Variants in CATSPER3 observed in about 807,000 individuals in gnomAD.
The protein encoded by CATSPER3 is cation channel sperm-associated protein 3.
CATSPER3 carries 23 observed loss-of-function variants against 36.6 expected under a neutral mutation model. That is an observed-to-expected ratio of 0.63 (90% CI 0.45 to 0.89). CATSPER3 has a LOEUF of 0.89. Among genes scored for constraint, CATSPER3 ranks in the 40% least tolerant of loss-of-function variants. The probability of loss-of-function intolerance (pLI) is 0.00; values close to 1 mark genes in which losing one functional copy is unlikely to be tolerated. For synonymous variants in CATSPER3, 172 were observed against 184.1 expected, an observed-to-expected ratio of 0.93 and a Z score of 0.53; for missense variants, 474 against 503.9, an observed-to-expected ratio of 0.94 and a Z score of 0.57.
At chr5:134,987,562 G>C (rs1751826893) in intron 2 of CATSPER3, among the ~76,000 whole-genome samples, 1 of 152,160 alleles carries the variant, frequency 6.6e-6, no homozygotes, top group Admixed American at 6.5e-5. Context: ...AATTGTCATT[G>C]AGAGAGTAAC....
intron 3 of CATSPER3, among the ~76,000 whole-genome samples, chr5:135,004,475 G>A (rs1042571138): frequency 6.6e-5 from 10 of 152,236 alleles, no homozygotes; most frequent in African/African-American, 2.4e-4. Flanking sequence ...CAGCAGGGAT[G>A]AGAGGAAGGC....
At chr5:135,000,985 CT>C in intron 3 of CATSPER3, among the ~76,000 whole-genome samples, 1 of 152,132 alleles carries the variant, frequency 6.6e-6, no homozygotes, top group East Asian at 1.9e-4. Context: ...TGTGTTTGCT[CT>C]TGCTTCTCTA....
intron 2 of CATSPER3, among the ~76,000 whole-genome samples, chr5:134,991,592 A>G (rs1751879772): frequency 6.6e-6 from 1 of 152,210 alleles, no homozygotes; most frequent in Non-Finnish European, 1.5e-5. Context: ...CTTGGTATTC[A>G]CATGCAAAAG....
At chr5:135,008,739 C>T (rs748467108) in intron 4 of CATSPER3, 102 bp from the exon 5 acceptor site, 1 of 997,480 alleles carries the variant, frequency 1.0e-6, no homozygotes, top group Non-Finnish European at 1.6e-6. Flanking sequence ...GAAGCGGAGC[C>T]ACCCTTCTCC....
At chr5:135,006,647 T>C (rs1404050193) in intron 3 of CATSPER3, among the ~76,000 whole-genome samples, 1 of 151,796 alleles carries the variant, frequency 6.6e-6, no homozygotes, top group African/African-American at 2.4e-5. Flanking sequence ...CCATCCTGGC[T>C]AACACGTGAA....
At chr5:134,994,758 T>C (rs908143576) in intron 2 of CATSPER3, among the ~76,000 whole-genome samples, 2 of 151,808 alleles carry the variant, frequency 1.3e-5, no homozygotes, top group Non-Finnish European at 3.0e-5. Context: ...TCTCTCTCTC[T>C]GTTCTAGCCA....
intron 6 of CATSPER3, 74 bp from the exon 7 acceptor site, chr5:135,010,299 A>C: frequency 7.5e-7 from 1 of 1,335,588 alleles, no homozygotes; most frequent in Non-Finnish European, 1.1e-6. Flanking sequence ...CCCATCCTGG[A>C]GAGTCTCCAT....
chr5:135,007,357 A>T (rs1427688116), intron 3 of CATSPER3, among the ~76,000 whole-genome samples: 1 of 152,252 alleles, frequency 6.6e-6, no homozygotes, highest in East Asian at 1.9e-4. Context: ...CAGAGCAGGA[A>T]GAATGAATGA....
intron 5 of CATSPER3, 98 bp downstream of exon 5, chr5:135,009,079 T>A (rs1310975221): frequency 6.6e-7 from 1 of 1,523,824 alleles, no homozygotes; most frequent in Non-Finnish European, 9.1e-7. Context: ...TGTAGCTGTG[T>A]CTTCCCAATG....
chr5:134,981,857 C>T (rs980830228), intron 2 of CATSPER3, among the ~76,000 whole-genome samples: 4 of 152,268 alleles, frequency 2.6e-5, no homozygotes, highest in South Asian at 2.1e-4. Flanking sequence ...AGGCCAGGTG[C>T]GGTGGCTTCT....
chr5:134,973,446 C>T (rs1751631722), intron 2 of CATSPER3, among the ~76,000 whole-genome samples: 1 of 152,150 alleles, frequency 6.6e-6, no homozygotes, highest in African/African-American at 2.4e-5. Flanking sequence ...AATTATGGGA[C>T]AGTTTATTTC....
At chr5:134,999,381 T>A (rs1258509364) in intron 3 of CATSPER3, among the ~76,000 whole-genome samples, 1 of 152,200 alleles carries the variant, frequency 6.6e-6, no homozygotes, top group African/African-American at 2.4e-5. Context: ...AGGATTGTCT[T>A]GGCAATGCGG....
At chr5:134,970,222 C>A in intron 2 of CATSPER3, 130 bp downstream of exon 2, 2 of 840,972 alleles carry the variant, frequency 2.4e-6, no homozygotes, top group South Asian at 1.5e-5. Context: ...GTGGCGTGAT[C>A]TCAGCTCACT....
At position 135,006,810 on chromosome 5, in the gene CATSPER3, C is replaced by A. The variant is rs899674217; in HGVS notation, c.493-1147C>A. Among the ~76,000 whole-genome samples, 14 of 146,342 alleles carry A rather than the reference C, an allele frequency of 9.6e-5. No homozygotes were observed. In the East Asian group the frequency reaches 1.6e-3, roughly 17 times the overall value. ...CCGAGATTGCGCCACTGCACTCCAG[C>A]CTGGGTGACAGAGCGACTCCGTCTC... On this transcript the variant is annotated intron_variant, in intron 3 of 7. Coordinates refer to ENST00000282611, the MANE Select transcript of CATSPER3 (RefSeq NM_178019.3).
At chr5:135,001,761 T>C (rs1030329376) in intron 3 of CATSPER3, among the ~76,000 whole-genome samples, 1 of 152,208 alleles carries the variant, frequency 6.6e-6, no homozygotes, top group Non-Finnish European at 1.5e-5. Context: ...TAAAGTCTGT[T>C]TTATCAGAGA....
chr5:134,974,613 A>G (rs997749099), intron 2 of CATSPER3, among the ~76,000 whole-genome samples: 1 of 152,218 alleles, frequency 6.6e-6, no homozygotes, highest in African/African-American at 2.4e-5. Context: ...TGCAATAAAA[A>G]GGTTAAAAAT....
At chr5:134,989,867 T>G (rs1751857366) in intron 2 of CATSPER3, among the ~76,000 whole-genome samples, 2 of 152,334 alleles carry the variant, frequency 1.3e-5, no homozygotes, top group South Asian at 4.1e-4. Flanking sequence ...TCACTAAGAT[T>G]AATTATTTCT....
intron 6 of CATSPER3, among the ~76,000 whole-genome samples, chr5:135,009,971 G>A (rs887857947): frequency 6.6e-6 from 1 of 152,202 alleles, no homozygotes; most frequent in African/African-American, 2.4e-5. Context: ...TGAGGGACCC[G>A]GGTGAATTTT....
chr5:134,969,075 C>T (rs1751569613), intron 1 of CATSPER3: 1 of 152,162 alleles, frequency 6.6e-6, no homozygotes. Context: ...ATTTTAGTGC[C>T]TGTATTTCAC....
Sources: allele counts gnomAD v4.1 joint callset (sites outside exome capture counted in the v4.1 genomes callset), GRCh38; gene constraint gnomAD v4.1.1; transcripts MANE v1.5; gene names NCBI Gene and HGNC (gene_info 2026-07-23, HGNC 2026-07-21).